TRIQK: variants seen among roughly 807,000 people sequenced by gnomAD.
TRIQK encodes triple QxxK/R motif containing.
A neutral mutation model predicts 10.8 loss-of-function variants in TRIQK; 10 were observed. The observed-to-expected ratio is 0.92, with a 90% CI of 0.57 to 1.57. The LOEUF (loss-of-function observed/expected upper bound fraction) is 1.57, where lower values mean the gene tolerates loss of function less well. Ranked by LOEUF, TRIQK falls within the 40% of genes most tolerant of loss-of-function variation. TRIQK has a pLI of 0.00. For synonymous variants in TRIQK, 33 were observed against 33.7 expected (o/e 0.98, Z 0.07); for missense variants, 107 against 97.7 (o/e 1.09, Z -0.40).
intron 3 of TRIQK, among the ~76,000 whole-genome samples, chr8:92,907,516 T>A (rs758774002): frequency 2.4e-4 from 37 of 152,188 alleles, no homozygotes; most frequent in Non-Finnish European, 4.4e-4. Context: ...ACAGAGATTA[T>A]GAGTATTAAC....
At chr8:93,002,718 G>A (rs1012317429) in intron 1 of TRIQK, among the ~76,000 whole-genome samples, 6 of 152,028 alleles carry the variant, frequency 3.9e-5, no homozygotes, top group African/African-American at 9.7e-5. Context: ...CCAGGATTTC[G>A]AGACCAGCCT....
At chr8:92,934,225 T>C (rs1810870834) in intron 2 of TRIQK, among the ~76,000 whole-genome samples, 1 of 151,978 alleles carries the variant, frequency 6.6e-6, no homozygotes, top group African/African-American at 2.4e-5. Context: ...CCACATCTTT[T>C]CAATGAAAGA....
At chr8:92,894,434 G>A (rs140955710) in intron 3 of TRIQK, among the ~76,000 whole-genome samples, 216 of 150,564 alleles carry the variant, frequency 1.4e-3, no homozygotes, top group African/African-American at 5.1e-3. Flanking sequence ...TGACTTCTGC[G>A]TACTTACACC....
intron 1 of TRIQK, among the ~76,000 whole-genome samples, chr8:92,989,794 G>C (rs893952428): frequency 2.6e-5 from 4 of 152,008 alleles, no homozygotes; most frequent in African/African-American, 4.8e-5. Context: ...CTGGTCCCTG[G>C]TGCCAAAAAG....
At chr8:92,982,937 T>C (rs1586522018) in intron 1 of TRIQK, among the ~76,000 whole-genome samples, 2 of 151,942 alleles carry the variant, frequency 1.3e-5, no homozygotes, top group African/African-American at 4.8e-5. Context: ...CTATTCAATC[T>C]ATAAGTGACA....
intron 3 of TRIQK, among the ~76,000 whole-genome samples, chr8:92,910,146 CA>C (rs942174766): frequency 1.3e-5 from 2 of 149,946 alleles, no homozygotes; most frequent in East Asian, 1.9e-4. Flanking sequence ...TTAGAGATGC[CA>C]AAAAAAATTA....
intron 2 of TRIQK, among the ~76,000 whole-genome samples, chr8:92,951,853 A>C (rs1280787149): frequency 2.6e-5 from 4 of 152,064 alleles, no homozygotes; most frequent in African/African-American, 9.7e-5. Flanking sequence ...AGAAATACTC[A>C]ACTCCAGGCA....
chr8:92,976,249 G>A (rs908132724), intron 1 of TRIQK, among the ~76,000 whole-genome samples: 1 of 151,892 alleles, frequency 6.6e-6, no homozygotes, highest in African/African-American at 2.4e-5. Flanking sequence ...TGAGAAAGGT[G>A]TTTAACTCTC....
At chr8:92,960,237 T>G (rs1007053603) in intron 1 of TRIQK, among the ~76,000 whole-genome samples, 1 of 152,152 alleles carries the variant, frequency 6.6e-6, no homozygotes, top group African/African-American at 2.4e-5. Flanking sequence ...TATCTTCTTG[T>G]CTCTTTTTCA....
chr8:92,951,038 T>C (rs1322781585), intron 2 of TRIQK, among the ~76,000 whole-genome samples: 1 of 152,110 alleles, frequency 6.6e-6, no homozygotes, highest in Non-Finnish European at 1.5e-5. Context: ...CTTTAGATTA[T>C]GTATAATATT....
intron 2 of TRIQK, among the ~76,000 whole-genome samples, chr8:92,949,008 T>G (rs1206209064): frequency 3.3e-5 from 5 of 152,206 alleles, no homozygotes; most frequent in Admixed American, 3.3e-4. Flanking sequence ...CAGGCTCAAA[T>G]GAGGCAAACA....
intron 2 of TRIQK, among the ~76,000 whole-genome samples, chr8:92,943,946 C>G (rs1811394462): frequency 6.6e-6 from 1 of 152,062 alleles, no homozygotes; most frequent in South Asian, 2.1e-4. Context: ...AACTATGCAT[C>G]TGTTAATATC....
intron 1 of TRIQK, among the ~76,000 whole-genome samples, chr8:93,001,301 A>G (rs1249702898): frequency 6.7e-6 from 1 of 148,498 alleles, no homozygotes; most frequent in Non-Finnish European, 1.5e-5. Context: ...GTCAGACTCC[A>G]TCTCAAAAAA....
chr8:93,004,990 C>T (rs569654833), intron 1 of TRIQK, among the ~76,000 whole-genome samples: 136 of 152,334 alleles, frequency 8.9e-4, no homozygotes, highest in African/African-American at 3.2e-3. Flanking sequence ...ATTCTGATCC[C>T]TCTAAACTAT....
intron 1 of TRIQK, among the ~76,000 whole-genome samples, chr8:92,961,453 G>T (rs915211596): frequency 6.6e-6 from 1 of 152,044 alleles, no homozygotes; most frequent in Non-Finnish European, 1.5e-5. Context: ...TGACGGCAAC[G>T]TATTATAATG....
intron 2 of TRIQK, among the ~76,000 whole-genome samples, chr8:92,937,186 A>G (rs1420545914): frequency 6.6e-6 from 1 of 151,900 alleles, no homozygotes; most frequent in Non-Finnish European, 1.5e-5. Flanking sequence ...TAAGTGAAAT[A>G]TAAAGCAGTT....
At chr8:92,905,522 TACTGGTGTATTTTCAATTTTTA>T (rs1476581078) in intron 3 of TRIQK, among the ~76,000 whole-genome samples, 3 of 152,206 alleles carry the variant, frequency 2.0e-5, no homozygotes, top group African/African-American at 7.2e-5. Context: ...GCTTCTTAGC[TACTGGTGTATTTTCAATTTTTA>T]ACTTGGATGG....
intron 1 of TRIQK, among the ~76,000 whole-genome samples, chr8:93,010,552 T>A (rs1813321924): frequency 1.3e-5 from 2 of 152,126 alleles, no homozygotes; most frequent in South Asian, 4.1e-4. Flanking sequence ...TTAAAATTAT[T>A]TAAAGCAGTA....
intron 1 of TRIQK, among the ~76,000 whole-genome samples, chr8:92,995,704 A>G (rs1413192726): frequency 6.6e-6 from 1 of 152,060 alleles, no homozygotes; most frequent in Non-Finnish European, 1.5e-5. Context: ...AAAGTCAAAC[A>G]TATGTTATAA....
Sources: allele counts gnomAD v4.1 joint callset (sites outside exome capture counted in the v4.1 genomes callset), GRCh38; gene constraint gnomAD v4.1.1; transcripts MANE v1.5; gene names NCBI Gene and HGNC (gene_info 2026-07-23, HGNC 2026-07-21).